Variants in PHACTR1 observed in about 807,000 individuals in gnomAD.
PHACTR1 encodes the protein phosphatase and actin regulator 1.
In PHACTR1, 16 loss-of-function variants were observed where a neutral mutation model predicts 69.2. That is an observed-to-expected ratio of 0.23 (90% CI 0.16 to 0.35). The LOEUF (loss-of-function observed/expected upper bound fraction) is 0.35. Among genes scored for constraint, PHACTR1 ranks in the 10% least tolerant of loss-of-function variants. The probability of loss-of-function intolerance (pLI) is 1.00; values close to 1 mark genes in which losing one functional copy is unlikely to be tolerated. For synonymous variants in PHACTR1, 312 were observed against 284.5 expected (o/e 1.10, Z -0.97); for missense variants, 510 against 734.7 (o/e 0.69, Z 3.54).
chr6:13,129,996 A>G (rs1820157846), intron 5 of PHACTR1, among the ~76,000 whole-genome samples: 1 of 152,152 alleles, frequency 6.6e-6, no homozygotes. Flanking sequence ...TTAACTCCAA[A>G]TGGAGCCCCT....
intron 5 of PHACTR1, among the ~76,000 whole-genome samples, chr6:13,132,847 G>A (rs1820690547): frequency 6.6e-6 from 1 of 152,102 alleles, no homozygotes; most frequent in South Asian, 2.1e-4. Context: ...GCTAAAGGTT[G>A]GGGCGGCTGT....
At chr6:13,191,856 A>G (rs1163159275) in intron 7 of PHACTR1, among the ~76,000 whole-genome samples, 1 of 152,214 alleles carries the variant, frequency 6.6e-6, no homozygotes, top group Admixed American at 6.5e-5. Flanking sequence ...TCACTTTTCT[A>G]CCCATTTCTC....
At chr6:13,216,735 T>C (rs1025435224) in intron 8 of PHACTR1, among the ~76,000 whole-genome samples, 3 of 152,238 alleles carry the variant, frequency 2.0e-5, no homozygotes, top group African/African-American at 7.2e-5. Context: ...ATGTTGTTTT[T>C]CAGATTTAAC....
intron 4 of PHACTR1, among the ~76,000 whole-genome samples, chr6:12,931,431 G>C (rs142733483): frequency 2.0e-5 from 3 of 152,262 alleles, no homozygotes; most frequent in Non-Finnish European, 4.4e-5. Context: ...AGGGGGCTCT[G>C]TTATGCAAAG....
chr6:12,778,794 G>T (rs1770425509), intron 4 of PHACTR1, among the ~76,000 whole-genome samples: 1 of 152,148 alleles, frequency 6.6e-6, no homozygotes, highest in Non-Finnish European at 1.5e-5. Context: ...GAAATTCAAT[G>T]CCATAAAACA....
At chr6:12,858,049 G>C (rs140402670) in intron 4 of PHACTR1, among the ~76,000 whole-genome samples, 23 of 152,206 alleles carry the variant, frequency 1.5e-4, no homozygotes, top group African/African-American at 5.3e-4. Flanking sequence ...GTAAGTTTAC[G>C]GTAGAGCAGA....
chr6:13,116,177 C>T (rs1055135705), intron 5 of PHACTR1, among the ~76,000 whole-genome samples: 2 of 152,172 alleles, frequency 1.3e-5, no homozygotes, highest in South Asian at 4.1e-4. Context: ...ATTGAGGAGG[C>T]TACCAATAGG....
At chr6:13,080,169 C>G (rs116716887) in intron 5 of PHACTR1, among the ~76,000 whole-genome samples, 1 of 152,072 alleles carries the variant, frequency 6.6e-6, no homozygotes, top group Non-Finnish European at 1.5e-5. Flanking sequence ...AACTTCACTG[C>G]CCCTCCTTTC....
intron 5 of PHACTR1, among the ~76,000 whole-genome samples, chr6:13,142,122 TA>T (rs1036810518): frequency 3.9e-5 from 6 of 152,060 alleles, no homozygotes; most frequent in African/African-American, 9.7e-5. Context: ...ATTATTCAAT[TA>T]AAATAAAAGC....
intron 3 of PHACTR1, among the ~76,000 whole-genome samples, chr6:12,727,590 A>T (rs1036166104): frequency 6.6e-6 from 1 of 152,194 alleles, no homozygotes; most frequent in East Asian, 1.9e-4. Flanking sequence ...TCAATCAATT[A>T]ATCATTCCTG....
At chr6:13,117,714 T>A (rs1245266240) in intron 5 of PHACTR1, among the ~76,000 whole-genome samples, 1 of 152,236 alleles carries the variant, frequency 6.6e-6, no homozygotes, top group Non-Finnish European at 1.5e-5. Flanking sequence ...ATTCACCTTA[T>A]AATTTTAGCC....
rs1491306332 is a variant in PHACTR1, at chr6:13,208,629, CCA to C, written c.986+2495_986+2496del. Among the ~76,000 whole-genome samples, 13 of 140,724 alleles carry C rather than the reference CCA, an allele frequency of 9.2e-5. 1 individual carries two copies. The highest frequency in any genetic ancestry group is 2.2e-4 in the African/African-American group (8 of 36,544). The allele number at this position is 140,724 out of a possible 152,430, so 92.3% of individuals were successfully genotyped here. On this transcript the variant is annotated intron_variant, in intron 8 of 14. Coordinates refer to ENST00000332995, the MANE Select transcript of PHACTR1 (RefSeq NM_030948.6). ...ATGTAGCAGCCAACGTCATTGCTGC[CCA>C]CCCCCCCAACCCCATGTCTACATGC...
intron 4 of PHACTR1, among the ~76,000 whole-genome samples, chr6:12,983,700 C>T (rs959848045): frequency 3.9e-5 from 6 of 152,152 alleles, no homozygotes; most frequent in African/African-American, 7.2e-5. Context: ...TCCCCACTCC[C>T]GCCACCCCAC....
intron 6 of PHACTR1, among the ~76,000 whole-genome samples, chr6:13,160,519 A>G (rs1460530879): frequency 2.6e-5 from 4 of 152,210 alleles, no homozygotes; most frequent in Non-Finnish European, 5.9e-5. Flanking sequence ...ATCAAACCAC[A>G]GGAGGCTAAG....
At chr6:12,849,297 G>A (rs1201867921) in intron 4 of PHACTR1, among the ~76,000 whole-genome samples, 1 of 152,170 alleles carries the variant, frequency 6.6e-6, no homozygotes, top group Admixed American at 6.5e-5. Context: ...GCTTCAGTGT[G>A]GTGAGGTCCC....
intron 4 of PHACTR1, among the ~76,000 whole-genome samples, chr6:12,887,032 C>T (rs1245006113): frequency 6.6e-6 from 1 of 152,096 alleles, no homozygotes; most frequent in Non-Finnish European, 1.5e-5. Flanking sequence ...CTCCTCTTCC[C>T]CTTGTCCTCC....
At chr6:12,762,471 G>A (rs1768128033) in intron 4 of PHACTR1, among the ~76,000 whole-genome samples, 1 of 152,098 alleles carries the variant, frequency 6.6e-6, no homozygotes, top group African/African-American at 2.4e-5. Flanking sequence ...CAAGTTAGAT[G>A]CTTGATACAT....
chr6:13,149,802 CT>C lies in PHACTR1; in HGVS notation c.416-10400del, dbSNP rs1252983429. Reference sequence around the variant, plus strand: ...AGTCCAACACAAATTCGTAAACTTTCTTAAAAAGTTACGAGATTTTTTTTTG... The same window carrying C: ...AGTCCAACACAAATTCGTAAACTTTCTAAAAAGTTACGAGATTTTTTTTTG... On this transcript the variant is annotated intron_variant, in intron 5 of 14. Transcript: ENST00000332995. Among the ~76,000 whole-genome samples the C allele has an allele frequency of 2.7e-5, 4 of 150,600 alleles. No individual in the cohort carries two copies. In the South Asian group the frequency reaches 8.4e-4, roughly 32 times the overall value.
intron 3 of PHACTR1, among the ~76,000 whole-genome samples, chr6:12,729,907 C>T (rs550734185): frequency 2.0e-5 from 3 of 152,242 alleles, no homozygotes; most frequent in African/African-American, 7.2e-5. Context: ...GAGAGAGGTT[C>T]TTTGAATGCT....
Sources: allele counts gnomAD v4.1 joint callset (sites outside exome capture counted in the v4.1 genomes callset), GRCh38; gene constraint gnomAD v4.1.1; transcripts MANE v1.5; gene names NCBI Gene and HGNC (gene_info 2026-07-23, HGNC 2026-07-21).